Variants in PLCB4 observed in about 807,000 individuals in gnomAD.
The protein encoded by PLCB4 is 1-phosphatidylinositol 4,5-bisphosphate phosphodiesterase beta-4.
PLCB4 carries 77 observed loss-of-function variants against 178.8 expected under a neutral mutation model. The observed-to-expected ratio is 0.43, with a 90% CI of 0.36 to 0.52. The LOEUF (loss-of-function observed/expected upper bound fraction) is 0.52. Among genes scored for constraint, PLCB4 ranks in the 20% least tolerant of loss-of-function variants. The pLI is 0.00. For missense variants in PLCB4, 1,024 were observed against 1,453.4 expected, an observed-to-expected ratio of 0.70 and a Z score of 4.80; for synonymous variants, 496 against 490.8, an observed-to-expected ratio of 1.01 and a Z score of -0.14.
At chr20:9,111,979 C>T (rs1227869742) in intron 2 of PLCB4, among the ~76,000 whole-genome samples, 3 of 151,976 alleles carry the variant, frequency 2.0e-5, no homozygotes, top group Non-Finnish European at 4.4e-5. Context: ...GGCTCATTAC[C>T]TAAAATTTTT....
intron 3 of PLCB4, among the ~76,000 whole-genome samples, chr20:9,250,007 G>A (rs1278403248): frequency 6.6e-6 from 1 of 152,148 alleles, no homozygotes; most frequent in Non-Finnish European, 1.5e-5. Context: ...GGCAGAAATT[G>A]ACAGACTATT....
rs553691545 is a variant in PLCB4 at position 9,203,777 on chromosome 20, G to GTT, written c.-78-13588_-78-13587dup. Among the ~76,000 whole-genome samples, 116 of 101,692 alleles carry GTT rather than the reference G, an allele frequency of 1.1e-3. 1 individual carries two copies. Among genetic ancestry groups the GTT allele is most frequent in the Non-Finnish European group, 1.5e-3 (77 of 50,396 alleles). 66.7% of individuals were successfully genotyped at this position (101,692 alleles called of 152,430 possible). ...TCCGAAGGCTCCATTTGGGAATAGT[G>GTT]TTTTTTTTTTTTTTTTTTTTTTTTT... On this transcript the variant is annotated intron_variant, in intron 2 of 39. Transcript: ENST00000378473.
At chr20:9,380,267 A>C in intron 13 of PLCB4, 105 bp downstream of exon 13, 1 of 578,138 alleles carries the variant, frequency 1.7e-6, no homozygotes, top group Admixed American at 3.4e-5. Context: ...CAACTCCCTG[A>C]GCCATGGATT....
intron 12 of PLCB4, among the ~76,000 whole-genome samples, chr20:9,376,012 GC>G (rs1568682313): frequency 2.6e-5 from 4 of 152,116 alleles, no homozygotes. Flanking sequence ...TCAGGGGGCT[GC>G]AAGGAGAGGA....
At chr20:9,333,120 A>G (rs1017002412) in intron 4 of PLCB4, among the ~76,000 whole-genome samples, 2 of 152,182 alleles carry the variant, frequency 1.3e-5, no homozygotes, top group Non-Finnish European at 2.9e-5. Context: ...TTTGTTTTAC[A>G]TATTGGCCTG....
intron 39 of PLCB4, 151 bp from the exon 40 acceptor site, chr20:9,478,770 G>A (rs1027426356): frequency 4.7e-6 from 3 of 633,392 alleles, no homozygotes; most frequent in African/African-American, 3.6e-5. Context: ...AAGGTCCCAG[G>A]CAATGCTGAT....
At chr20:9,419,116 G>A (rs1203291334) in intron 25 of PLCB4, among the ~76,000 whole-genome samples, 1 of 151,822 alleles carries the variant, frequency 6.6e-6, no homozygotes, top group Non-Finnish European at 1.5e-5. Context: ...CTAGAAATAG[G>A]CTTACTTCCT....
Position 9,444,008 on chromosome 20 carries a change from TAGA to T in PLCB4, c.2796_2798del (p.Glu932del). On this transcript the variant is annotated inframe_deletion, in exon 31 of 40. Transcript: ENST00000378473. ...ATTGAACTTATCCCTCAAGTAAGGA[TAGA>T]AGACTTAAAGCAGATGAAGGTAAAA... 1 of 1,603,444 alleles carries T rather than the reference TAGA, an allele frequency of 6.2e-7. No individual in the cohort carries two copies. The highest frequency in any genetic ancestry group is 8.5e-7 in the Non-Finnish European group (1 of 1,173,198).
chr20:9,257,446 A>G (rs73897323), intron 3 of PLCB4, among the ~76,000 whole-genome samples: 11 of 152,360 alleles, frequency 7.2e-5, no homozygotes, highest in African/African-American at 2.6e-4. Context: ...ATGTAGAACT[A>G]TAACCCTTTA....
chr20:9,380,886 C>T (rs1340708545), intron 13 of PLCB4, among the ~76,000 whole-genome samples: 1 of 152,116 alleles, frequency 6.6e-6, no homozygotes, highest in Admixed American at 6.5e-5. Context: ...TTCCATAGGT[C>T]CCGTATGTCC....
At chr20:9,429,946 C>A (rs2041281304) in intron 28 of PLCB4, among the ~76,000 whole-genome samples, 1 of 152,166 alleles carries the variant, frequency 6.6e-6, no homozygotes, top group African/African-American at 2.4e-5. Context: ...CCCAATTAGA[C>A]ATCCTAGAAA....
chr20:9,278,975 T>G (rs537518344), intron 3 of PLCB4, among the ~76,000 whole-genome samples: 75 of 152,152 alleles, frequency 4.9e-4, no homozygotes, highest in African/African-American at 1.7e-3. Context: ...GAGTTTTTGT[T>G]TGTTTGTTTG....
At chr20:9,233,534 G>C (rs2093957463) in intron 3 of PLCB4, among the ~76,000 whole-genome samples, 3 of 152,106 alleles carry the variant, frequency 2.0e-5, no homozygotes, top group Admixed American at 6.6e-5. Context: ...TGGTAGGATA[G>C]GTGATTCATT....
chr20:9,118,499 A>G (rs1568783627), intron 2 of PLCB4, among the ~76,000 whole-genome samples: 1 of 152,076 alleles, frequency 6.6e-6, no homozygotes, highest in Non-Finnish European at 1.5e-5. Flanking sequence ...TGCATAATCA[A>G]TATAAAAATT....
chr20:9,213,542 C>T lies in PLCB4; in HGVS notation c.-78-3848C>T, dbSNP rs78397466. On this transcript the variant is annotated intron_variant, in intron 2 of 39. Transcript: ENST00000378473. ...TATTCTATTATGTGAACGTACTACA[C>T]GTTTTGTTAATATGTTTATCAGTTG... 9.2e-5 allele frequency among the ~76,000 whole-genome samples: 14 copies of T among 152,064 alleles called. No homozygotes were observed. The East Asian group carries it at 1.9e-3, about 21-fold the overall frequency.
intron 28 of PLCB4, among the ~76,000 whole-genome samples, chr20:9,434,668 G>A (rs1486669005): frequency 2.6e-5 from 4 of 152,004 alleles, no homozygotes; most frequent in Non-Finnish European, 2.9e-5. Context: ...GAGCTACTGC[G>A]TCCGGCCAAC....
chr20:9,206,454 G>T (rs976425667), intron 2 of PLCB4, among the ~76,000 whole-genome samples: 2 of 152,004 alleles, frequency 1.3e-5, no homozygotes, highest in Middle Eastern at 3.4e-3. Flanking sequence ...CTAATTAAAT[G>T]GCTCATATTT....
At chr20:9,164,658 G>A (rs111976013) in intron 2 of PLCB4, among the ~76,000 whole-genome samples, 176 of 152,296 alleles carry the variant, frequency 1.2e-3, no homozygotes, top group African/African-American at 3.9e-3. Flanking sequence ...AAAATAACTT[G>A]TGTGAAGTAG....
intron 38 of PLCB4, 69 bp downstream of exon 38, chr20:9,473,434 C>A: frequency 2.5e-6 from 2 of 804,224 alleles, no homozygotes; most frequent in Non-Finnish European, 2.1e-6. Context: ...TGCCATGGCC[C>A]ACAGTGACCA....
Sources: allele counts gnomAD v4.1 joint callset (sites outside exome capture counted in the v4.1 genomes callset), GRCh38; gene constraint gnomAD v4.1.1; transcripts MANE v1.5; gene names NCBI Gene and HGNC (gene_info 2026-07-23, HGNC 2026-07-21).